Variants in DIAPH2 observed in about 807,000 individuals in gnomAD.
The protein encoded by DIAPH2 is diaphanous related formin 2.
Under a neutral mutation model 92.7 loss-of-function variants are expected in DIAPH2, and 35 were observed. That is an observed-to-expected ratio of 0.38 (90% CI 0.29 to 0.50). The LOEUF (loss-of-function observed/expected upper bound fraction) is 0.50. Among genes scored for constraint, DIAPH2 ranks in the 20% least tolerant of loss-of-function variants. The pLI is 0.94. For synonymous variants in DIAPH2, 301 were observed against 280.4 expected, an observed-to-expected ratio of 1.07 and a Z score of -0.73; for missense variants, 701 against 819.5, an observed-to-expected ratio of 0.86 and a Z score of 1.77.
At chrX:96,767,634 T>A (rs2064312452) in intron 4 of DIAPH2, among the ~76,000 whole-genome samples, 1 of 111,357 alleles carries the variant, frequency 9.0e-6, no homozygotes, top group Non-Finnish European at 1.9e-5. Flanking sequence ...CTGAGCTGCC[T>A]TTTTTGTTGT....
chrX:97,191,423 G>T (rs1170804285), intron 22 of DIAPH2, among the ~76,000 whole-genome samples: 1 of 111,184 alleles, frequency 9.0e-6, no homozygotes, highest in African/African-American at 3.3e-5. Context: ...TGTTGGATTT[G>T]TTCCTTCAGA....
intron 4 of DIAPH2, among the ~76,000 whole-genome samples, chrX:96,879,305 G>A (rs995979934): frequency 3.6e-5 from 4 of 111,410 alleles, no homozygotes; most frequent in Non-Finnish European, 5.6e-5. Flanking sequence ...GGGTCTTCAA[G>A]GCAGAGAAAA....
At chrX:97,444,824 T>C (rs745339646) in intron 26 of DIAPH2, among the ~76,000 whole-genome samples, 1 of 111,870 alleles carries the variant, frequency 8.9e-6, no homozygotes, top group East Asian at 2.8e-4. Flanking sequence ...TTCTAGTACA[T>C]AGATTTTACT....
intron 17 of DIAPH2, among the ~76,000 whole-genome samples, chrX:96,968,926 T>C (rs944954063): frequency 8.9e-6 from 1 of 112,593 alleles, no homozygotes; most frequent in Admixed American, 9.4e-5. Flanking sequence ...CTTTCGGTTT[T>C]GTTCTTCTGC....
chrX:97,457,209 C>T (rs962980093), intron 26 of DIAPH2, among the ~76,000 whole-genome samples: 3 of 111,230 alleles, frequency 2.7e-5, no homozygotes, highest in African/African-American at 6.5e-5. Context: ...TTAGTAGAGA[C>T]GGGGTTTCAC....
intron 26 of DIAPH2, among the ~76,000 whole-genome samples, chrX:97,440,199 A>G (rs1450263389): frequency 2.7e-5 from 3 of 111,900 alleles, no homozygotes; most frequent in Non-Finnish European, 5.6e-5. Context: ...ATTGGAGCAC[A>G]GATGATAGCA....
rs192194055 is a variant in DIAPH2, at chrX:96,757,141, T to A, written c.343-1013T>A. On this transcript the variant is annotated intron_variant, in intron 3 of 26. Coordinates refer to ENST00000324765, the MANE Select transcript of DIAPH2 (RefSeq NM_006729.5). The stretch of plus-strand genomic sequence containing the variant: ...ACCGTGTTAGCCAGGATGGTCTCGA[T>A]CTCCTGACCTCGTGATCCACCCGCC... Among the ~76,000 whole-genome samples, 4 of 109,781 alleles carry A rather than the reference T, an allele frequency of 3.6e-5. No homozygotes were observed. The South Asian group carries it at 1.6e-3, about 43-fold the overall frequency.
chrX:97,479,063 G>T (rs1188345143), intron 26 of DIAPH2, among the ~76,000 whole-genome samples: 1 of 111,743 alleles, frequency 8.9e-6, no homozygotes, highest in Non-Finnish European at 1.9e-5. Flanking sequence ...TGTCTTTGAA[G>T]TAGGCAATTT....
In DIAPH2 at chrX:97,465,184, A is replaced by G. The variant is rs59980582; in HGVS notation, c.3241+35439A>G. ...ATATTTTTTAAGCACTTCACTGTAT[A>G]CCAGGGACTTTACTAGGACTACACT... On this transcript the variant is annotated intron_variant, in intron 26 of 26. Coordinates refer to ENST00000324765, the MANE Select transcript of DIAPH2 (RefSeq NM_006729.5). 4.9e-3 allele frequency among the ~76,000 whole-genome samples: 545 copies of G among 110,748 alleles called. 1 individual carries two copies. The highest frequency in any genetic ancestry group is 0.017 in the African/African-American group (529 of 30,354).
intron 26 of DIAPH2, among the ~76,000 whole-genome samples, chrX:97,455,573 T>C (rs12841145): frequency 1.8e-5 from 2 of 112,190 alleles, no homozygotes; most frequent in Admixed American, 1.9e-4. Flanking sequence ...TGAAAACATA[T>C]ACACCATAAA....
At chrX:97,158,558 A>G (rs1433887629) in intron 22 of DIAPH2, among the ~76,000 whole-genome samples, 1 of 112,610 alleles carries the variant, frequency 8.9e-6, no homozygotes, top group African/African-American at 3.2e-5. Flanking sequence ...TGCTTTTTAT[A>G]GAGCTTTCTG....
At chrX:97,362,330 C>T (rs2069333703) in intron 24 of DIAPH2, among the ~76,000 whole-genome samples, 2 of 110,590 alleles carry the variant, frequency 1.8e-5, no homozygotes, top group Non-Finnish European at 3.8e-5. Flanking sequence ...TAAATTGTTG[C>T]TCAGTATTAT....
chrX:97,492,434 CTA>C (rs2070731442), intron 26 of DIAPH2, among the ~76,000 whole-genome samples: 1 of 111,208 alleles, frequency 9.0e-6, no homozygotes, highest in Admixed American at 9.6e-5. Context: ...AAAAAATTAT[CTA>C]TGTCTATATC....
chrX:96,967,273 A>G (rs1177800635), intron 17 of DIAPH2, among the ~76,000 whole-genome samples: 1 of 111,697 alleles, frequency 9.0e-6, no homozygotes, highest in Non-Finnish European at 1.9e-5. Context: ...GCTCCCACTT[A>G]TAAGTGAGAA....
chrX:97,534,276 C>A (rs2071081097), intron 26 of DIAPH2, among the ~76,000 whole-genome samples: 1 of 110,146 alleles, frequency 9.1e-6, no homozygotes, highest in East Asian at 2.8e-4. Context: ...TATTTTTATT[C>A]TTTTGCCTTT....
chrX:97,394,056 A>G (rs899726233), intron 25 of DIAPH2, among the ~76,000 whole-genome samples: 2 of 112,039 alleles, frequency 1.8e-5, no homozygotes, highest in African/African-American at 3.2e-5. Flanking sequence ...TAAAATAATT[A>G]CATCTTATAA....
At position 97,349,068 on chromosome X, in the gene DIAPH2, A is replaced by G. The variant is rs191869146; in HGVS notation, c.3009+788A>G. Among the ~76,000 whole-genome samples the G allele has an allele frequency of 3.0e-3, 281 of 93,388 alleles. 1 individual carries two copies. The highest frequency in any genetic ancestry group is 5.7e-3 in the African/African-American group (139 of 24,485). 81.1% of individuals were successfully genotyped at this position (93,388 alleles called of 115,157 possible). A position where few individuals can be genotyped will look rare whatever the true frequency, so the allele number is the denominator to read the frequency against. On this transcript the variant is annotated intron_variant, in intron 24 of 26. Coordinates refer to ENST00000324765, the MANE Select transcript of DIAPH2 (RefSeq NM_006729.5). ...TATGTGTATTTATATATGTGTGTGT[A>G]TATATATATATATATTTTTTTTTTT...
intron 25 of DIAPH2, among the ~76,000 whole-genome samples, chrX:97,412,087 CA>C (rs2069881166): frequency 8.9e-6 from 1 of 112,264 alleles, no homozygotes; most frequent in Non-Finnish European, 1.9e-5. Context: ...CACCCGAAAT[CA>C]ACAGAATATG....
At chrX:97,369,036 C>G (rs902251432) in intron 24 of DIAPH2, among the ~76,000 whole-genome samples, 4 of 108,520 alleles carry the variant, frequency 3.7e-5, no homozygotes, top group Admixed American at 3.0e-4. Context: ...GCCTCCCGAG[C>G]AGCTGGGATT....
Sources: gnomAD v4.1 joint callset for allele counts (sites outside exome capture counted in the v4.1 genomes callset) on GRCh38, gnomAD v4.1.1 for gene constraint, MANE v1.5 for transcripts, NCBI Gene and HGNC (gene_info 2026-07-23, HGNC 2026-07-21) for gene names.